Variants in INPP4B observed in about 807,000 individuals in gnomAD.
INPP4B encodes the protein inositol polyphosphate-4-phosphatase type II B.
In INPP4B, 55 loss-of-function variants were observed where a neutral mutation model predicts 122.5. The observed-to-expected ratio is 0.45, with a 90% CI of 0.36 to 0.56. The LOEUF is 0.56. Among genes scored for constraint, INPP4B ranks in the 20% least tolerant of loss-of-function variants. The pLI is 0.00. For synonymous variants in INPP4B, 403 were observed against 388.7 expected, an observed-to-expected ratio of 1.04 and a Z score of -0.43; for missense variants, 1,000 against 1,097.7, an observed-to-expected ratio of 0.91 and a Z score of 1.26.
chr4:142,125,654 C>T (rs757571246), intron 18 of INPP4B, among the ~76,000 whole-genome samples: 4 of 152,066 alleles, frequency 2.6e-5, no homozygotes, highest in African/African-American at 9.7e-5. Context: ...TCCAGGAAGT[C>T]TTCCTTCATT....
chr4:142,219,587 T>C lies in INPP4B; in HGVS notation c.837-10561A>G, dbSNP rs181261590. Among the ~76,000 whole-genome samples, 30 of 152,340 alleles carry C rather than the reference T, an allele frequency of 2.0e-4. No homozygotes were observed. In the East Asian group the frequency reaches 3.7e-3, roughly 19 times the overall value. ...CATATGTTCATTACATGCCTTTTCA[T>C]TCTAAGTAGCCGTGGAAGTTATGAA... On this transcript the variant is annotated intron_variant, in intron 12 of 25. Coordinates refer to ENST00000262992, the MANE Select transcript of INPP4B (RefSeq NM_001101669.3).
At chr4:142,190,207 G>GC in intron 15 of INPP4B, among the ~76,000 whole-genome samples, 1 of 36,948 alleles carries the variant, frequency 2.7e-5, no homozygotes, top group African/African-American at 4.1e-5. Context: ...GTTTATTTTT[G>GC]TTTTTTTTTT....
rs1794794149 is a variant in INPP4B, at chr4:142,118,335, A to G, written c.2135+3793T>C. On this transcript the variant is annotated intron_variant, in intron 21 of 25. Transcript: ENST00000262992. ...AACCAAAAAAGAGCACGCATTGCCA[A>G]GACAATCTTAAGCCAAAAGAAGAAA... Among the ~76,000 whole-genome samples, 4 of 152,016 alleles carry G rather than the reference A, an allele frequency of 2.6e-5. No homozygotes were observed. The East Asian group carries it at 7.7e-4, about 29-fold the overall frequency.
chr4:142,468,139 A>C (rs1484615422), intron 2 of INPP4B: 1 of 152,174 alleles, frequency 6.6e-6, no homozygotes, highest in Non-Finnish European at 1.5e-5. Context: ...ACAAAAGCAA[A>C]TTAACACAGC....
At chr4:142,367,112 C>A (rs1787792345) in intron 7 of INPP4B, among the ~76,000 whole-genome samples, 1 of 151,648 alleles carries the variant, frequency 6.6e-6, no homozygotes. Flanking sequence ...GGAACTGTGG[C>A]AGGAGAGGAA....
intron 25 of INPP4B, among the ~76,000 whole-genome samples, chr4:142,074,424 G>T (rs1769329377): frequency 6.6e-6 from 1 of 152,086 alleles, no homozygotes. Context: ...GGGATGTGTG[G>T]AGAAATGGGA....
chr4:142,273,618 A>AC (rs1444575335), intron 9 of INPP4B, among the ~76,000 whole-genome samples: 2 of 151,936 alleles, frequency 1.3e-5, no homozygotes, highest in Admixed American at 6.6e-5. Flanking sequence ...GCATTTGGCT[A>AC]CTTTTTCAAT....
At chr4:142,813,080 G>A (rs934203130) in intron 1 of INPP4B, among the ~76,000 whole-genome samples, 2 of 152,016 alleles carry the variant, frequency 1.3e-5, no homozygotes, top group Admixed American at 6.6e-5. Context: ...AACCAGTCTC[G>A]CTATAGAAGG....
intron 11 of INPP4B, among the ~76,000 whole-genome samples, chr4:142,255,110 C>G (rs999006609): frequency 3.3e-5 from 5 of 151,652 alleles, no homozygotes; most frequent in African/African-American, 1.2e-4. Context: ...AACTAAGCTT[C>G]ATAAGTGAAG....
At chr4:142,148,817 C>A (rs1212846232) in intron 17 of INPP4B, among the ~76,000 whole-genome samples, 2 of 152,050 alleles carry the variant, frequency 1.3e-5, no homozygotes, top group Non-Finnish European at 2.9e-5. Context: ...TAAAGGGTTA[C>A]ATATATGGTA....
intron 19 of INPP4B, 137 bp from the exon 20 acceptor site, chr4:142,123,552 A>T: frequency 1.3e-6 from 1 of 793,546 alleles, no homozygotes; most frequent in South Asian, 1.9e-5. Flanking sequence ...TTTGGTAGGC[A>T]TAGTAAAACA....
chr4:142,128,243 T>TAC (rs1283895453), intron 18 of INPP4B, among the ~76,000 whole-genome samples: 36 of 152,012 alleles, frequency 2.4e-4, no homozygotes, highest in East Asian at 1.4e-3. Flanking sequence ...CACATATATA[T>TAC]ACGTGTGTGC....
chr4:142,748,031 C>T (rs1321295260), intron 1 of INPP4B, among the ~76,000 whole-genome samples: 4 of 151,882 alleles, frequency 2.6e-5, no homozygotes, highest in Admixed American at 1.3e-4. Context: ...TTTTAAAAAA[C>T]TTAAAAGAAT....
chr4:142,446,284 AC>A (rs1207816631), intron 3 of INPP4B, among the ~76,000 whole-genome samples: 1 of 151,824 alleles, frequency 6.6e-6, no homozygotes, highest in Non-Finnish European at 1.5e-5. Context: ...AACACAAATT[AC>A]CCAGAAACAT....
chr4:142,791,742 T>C (rs1401439798), intron 1 of INPP4B, among the ~76,000 whole-genome samples: 1 of 152,100 alleles, frequency 6.6e-6, no homozygotes, highest in East Asian at 1.9e-4. Context: ...TTTTCAGCTA[T>C]AATTATTTCT....
At chr4:142,215,354 T>C (rs1846663766) in intron 12 of INPP4B, among the ~76,000 whole-genome samples, 1 of 152,166 alleles carries the variant, frequency 6.6e-6, no homozygotes, top group Non-Finnish European at 1.5e-5. Flanking sequence ...ACTTAATGAA[T>C]GTAGGTTGTG....
At chr4:142,357,633 T>C (rs1467776252) in intron 7 of INPP4B, among the ~76,000 whole-genome samples, 1 of 151,976 alleles carries the variant, frequency 6.6e-6, no homozygotes, top group East Asian at 1.9e-4. Flanking sequence ...AGTCCTCATA[T>C]TCATCAACAT....
chr4:142,624,277 G>A lies in INPP4B; in HGVS notation c.-191+101562C>T, dbSNP rs1285288126. ...TTGCCATTCTAACTGGTGTGAGATG[G>A]TATCTCATTGTGGTTTTGATTTGCA... On this transcript the variant is annotated intron_variant, in intron 2 of 25. Coordinates refer to ENST00000262992, the MANE Select transcript of INPP4B (RefSeq NM_001101669.3). 5.3e-5 allele frequency among the ~76,000 whole-genome samples: 8 copies of A among 151,832 alleles called. No homozygotes were observed. The South Asian group carries it at 1.2e-3, about 24-fold the overall frequency.
At chr4:142,067,800 G>T (rs13435467) in intron 25 of INPP4B, among the ~76,000 whole-genome samples, 1 of 152,070 alleles carries the variant, frequency 6.6e-6, no homozygotes, top group Non-Finnish European at 1.5e-5. Context: ...AAAAAGAAAC[G>T]AACGAAGCCT....
Sources: gnomAD v4.1 joint callset for allele counts (sites outside exome capture counted in the v4.1 genomes callset) on GRCh38, gnomAD v4.1.1 for gene constraint, MANE v1.5 for transcripts, NCBI Gene and HGNC (gene_info 2026-07-23, HGNC 2026-07-21) for gene names.